RGL3: variants seen among roughly 807,000 people sequenced by gnomAD.
RGL3 encodes the protein ral guanine nucleotide dissociation stimulator-like 3.
In RGL3, 85 loss-of-function variants were observed where a neutral mutation model predicts 90.6. The ratio of observed to expected loss-of-function variants is 0.94; its 90% CI spans 0.79 to 1.12. The LOEUF (loss-of-function observed/expected upper bound fraction) is 1.12. Among genes scored for constraint, RGL3 ranks in the 50% most tolerant of loss-of-function variants. The pLI is 0.00. For synonymous variants in RGL3, 408 were observed against 385.5 expected, an observed-to-expected ratio of 1.06 and a Z score of -0.68; for missense variants, 1,034 against 939.2, an observed-to-expected ratio of 1.10 and a Z score of -1.32.
intron 18 of RGL3, among the ~76,000 whole-genome samples, chr19:11,395,978 A>G (rs1968558514): frequency 7.0e-6 from 1 of 143,538 alleles, no homozygotes; most frequent in Admixed American, 7.1e-5. Flanking sequence ...CCCAGGCTGG[A>G]GTGCAGTGGC....
rs1968935405 is a variant in RGL3, at chr19:11,414,279, TTATATATATATACCTTCATATATATACA to T, written c.637+1630_637+1657del. Among the ~76,000 whole-genome samples, 8 of 83,670 alleles carry T rather than the reference TTATATATATATACCTTCATATATATACA, an allele frequency of 9.6e-5. 2 individuals carry two copies. In the South Asian group the frequency reaches 1.3e-3, roughly 13 times the overall value. The allele number at this position is 83,670 out of a possible 152,430, so 54.9% of individuals were successfully genotyped here. ...TATATACCTTTATATATATATACCT[TTATATATATATACCTTCATATATATACA>T]TATATATATATACCTTCATATATAT... On this transcript the variant is annotated intron_variant, in intron 5 of 18. Transcript: ENST00000380456.
chr19:11,400,875 A>G (rs1192542564), intron 13 of RGL3, among the ~76,000 whole-genome samples: 2 of 150,358 alleles, frequency 1.3e-5, no homozygotes, highest in Non-Finnish European at 3.0e-5. Flanking sequence ...AAATAAATAA[A>G]TAAATAAATA....
intron 3 of RGL3, 68 bp from the exon 4 acceptor site, chr19:11,416,735 G>T: frequency 6.3e-7 from 1 of 1,594,078 alleles, no homozygotes; most frequent in Non-Finnish European, 8.6e-7. Context: ...AGGGCTCTGG[G>T]TCTGGGAGGT....
chr19:11,394,303 C>T lies in RGL3; in HGVS notation c.*99G>A. ...ACAGTTGGGTGGTGGTCCTGGGATA[C>T]ACAGCACAGTGGCCTCTACTGGGGG... On this transcript the variant is annotated 3_prime_UTR_variant, in exon 19 of 19. Transcript: ENST00000380456. The T allele has an allele frequency of 1.1e-6, 1 of 885,890 alleles. No individual in the cohort carries two copies. The highest frequency in any genetic ancestry group is 1.9e-6 in the Non-Finnish European group (1 of 522,992). The allele number at this position is 885,890 out of a possible 1,614,324, so 54.9% of individuals were successfully genotyped here. A position where few individuals can be genotyped will look rare whatever the true frequency, so the allele number is the denominator to read the frequency against.
intron 9 of RGL3, among the ~76,000 whole-genome samples, chr19:11,403,187 C>T (rs1049650604): frequency 6.6e-6 from 1 of 151,384 alleles, no homozygotes; most frequent in Non-Finnish European, 1.5e-5. Context: ...AGGCGCCCCC[C>T]ACCTCGCCCA....
intron 5 of RGL3, among the ~76,000 whole-genome samples, chr19:11,411,906 C>T (rs1568340620): frequency 6.6e-6 from 1 of 152,190 alleles, no homozygotes; most frequent in Non-Finnish European, 1.5e-5. Flanking sequence ...GGAGCCTCTG[C>T]ATCTGGCCTG....
intron 9 of RGL3, among the ~76,000 whole-genome samples, chr19:11,403,640 C>T (rs1385957680): frequency 2.0e-5 from 1 of 49,414 alleles, no homozygotes; most frequent in Non-Finnish European, 4.2e-5. Context: ...AACTCCATCT[C>T]AAAAAAAAAA....
intron 9 of RGL3, among the ~76,000 whole-genome samples, chr19:11,403,865 CTGT>C (rs1411066825): frequency 6.6e-6 from 1 of 151,990 alleles, no homozygotes; most frequent in Admixed American, 6.6e-5. Context: ...CCTGAATTTG[CTGT>C]TGTTTACTTA....
chr19:11,405,397 G>T lies in RGL3; in HGVS notation c.1026C>A (p.Ser342=). 6.2e-7 allele frequency: 1 copy of T among 1,601,084 alleles called. No homozygotes were observed. The highest frequency in any genetic ancestry group is 1.1e-5 in the South Asian group (1 of 89,842). The part of the protein sequence containing the change: ...QRCRELRNFS[S]LRAILSALQS... The stretch of plus-strand genomic sequence containing the variant: ...GCAGGGCGGACAGGATGGCGCGCAA[G>T]GAGGAGAAGTTCCGCAGTTCTCGGC... The change falls in exon 8 of 19, where the codon TCC becomes TCA. Residue 342 remains serine (S), a synonymous_variant. Transcript: ENST00000380456.
At chr19:11,400,437 G>C (rs1030738061) in intron 13 of RGL3, 140 bp from the exon 14 acceptor site, 2 of 616,198 alleles carry the variant, frequency 3.2e-6, no homozygotes, top group African/African-American at 3.8e-5. Flanking sequence ...CCAGGGTCAG[G>C]GTGGTAAATG....
rs1216423756 is a variant in RGL3 at position 11,402,659 on chromosome 19, G to A, written c.1233C>T (p.Ser411=). ...GSQEEDNTPG[S]LPSKPPPGPV... Reference sequence around the variant, plus strand: ...AACTGTAATCACTCACTGAGGGCAGGCTGCCTGGGGTGTTGTCCTCTTCTT... The same window carrying A: ...AACTGTAATCACTCACTGAGGGCAGACTGCCTGGGGTGTTGTCCTCTTCTT... The change falls in exon 10 of 19, where the codon AGC becomes AGT. Residue 411 remains serine (S), a synonymous_variant. Coordinates refer to ENST00000380456, the MANE Select transcript of RGL3 (RefSeq NM_001035223.4). 6.2e-7 allele frequency: 1 copy of A among 1,613,832 alleles called. No individual in the cohort carries two copies. Among genetic ancestry groups the A allele is most frequent in the Non-Finnish European group, 8.5e-7 (1 of 1,179,960 alleles).
chr19:11,402,382 G>C, intron 11 of RGL3, 73 bp downstream of exon 11: 16 of 1,564,152 alleles, frequency 1.0e-5, no homozygotes, highest in Non-Finnish European at 1.4e-5. Flanking sequence ...AGGATCAAGG[G>C]TGGATATTGG....
At position 11,394,484 on chromosome 19, in the gene RGL3, G is replaced by C. The variant is rs916333357; in HGVS notation, c.2051C>G (p.Ala684Gly). ...LIPDNANVFY[A>G]MSPVAPRDFM... is the part of the protein sequence containing the mutation. ...GTCTCTGGGGGCGACTGGACTCATG[G>C]CATAGAAGACGTTGGCATTGTCAGG... Residue 684 changes from alanine (A) to glycine (G), a missense_variant, in exon 19 of 19, where the codon GCC (alanine) becomes GGC (glycine). Ala to Gly is a moderately conservative substitution (Grantham distance 60). Coordinates refer to ENST00000380456, the MANE Select transcript of RGL3 (RefSeq NM_001035223.4). The C allele has an allele frequency of 6.2e-7, 1 of 1,614,052 alleles. No homozygotes were observed. Among genetic ancestry groups the C allele is most frequent in the African/African-American group, 1.3e-5 (1 of 75,006 alleles).
In RGL3 at chr19:11,394,191, T is replaced by G. The variant is rs1381103089; in HGVS notation, c.*211A>C. 3.7e-6 allele frequency: 2 copies of G among 541,494 alleles called. No individual in the cohort carries two copies. The highest frequency in any genetic ancestry group is 6.7e-6 in the Non-Finnish European group (2 of 297,458). 33.5% of individuals were successfully genotyped at this position (541,494 alleles called of 1,614,324 possible). A position where few individuals can be genotyped will look rare whatever the true frequency, so the allele number is the denominator to read the frequency against. On this transcript the variant is annotated 3_prime_UTR_variant, in exon 19 of 19. Coordinates refer to ENST00000380456, the MANE Select transcript of RGL3 (RefSeq NM_001035223.4). ...TCTTTCTACATTTATGGGATTGAGCTCTCCACCAGCCACCCATGGGCTGAT... is the reference window on the plus strand; with the variant it reads ...TCTTTCTACATTTATGGGATTGAGCGCTCCACCAGCCACCCATGGGCTGAT...
At position 11,399,843 on chromosome 19, in the gene RGL3, C is replaced by T; in HGVS notation, c.1746+12G>A. On this transcript the variant is annotated intron_variant, in intron 16 of 18. Transcript: ENST00000380456. ...CCGCAGGCCCGCATGCACACACAAGCCGTCTTGGTACCTTGGTGCTGGGGC... is the reference window on the plus strand; with the variant it reads ...CCGCAGGCCCGCATGCACACACAAGTCGTCTTGGTACCTTGGTGCTGGGGC... The T allele has an allele frequency of 6.9e-7, 1 of 1,444,222 alleles. No individual in the cohort carries two copies. Among genetic ancestry groups the T allele is most frequent in the Non-Finnish European group, 9.3e-7 (1 of 1,080,850 alleles). 89.5% of individuals were successfully genotyped at this position (1,444,222 alleles called of 1,614,324 possible).
chr19:11,398,492 T>C (rs1019535668), intron 16 of RGL3, among the ~76,000 whole-genome samples: 1 of 151,968 alleles, frequency 6.6e-6, no homozygotes, highest in Non-Finnish European at 1.5e-5. Flanking sequence ...ATTACAGGCC[T>C]GTGCCACTAT....
At chr19:11,408,446 C>T (rs1333535286) in intron 5 of RGL3, among the ~76,000 whole-genome samples, 1 of 152,042 alleles carries the variant, frequency 6.6e-6, no homozygotes, top group African/African-American at 2.4e-5. Flanking sequence ...ATTAGCCGGG[C>T]GTGATGGCAC....
chr19:11,407,174 C>T (rs1316305417), intron 5 of RGL3, among the ~76,000 whole-genome samples: 1 of 151,918 alleles, frequency 6.6e-6, no homozygotes, highest in African/African-American at 2.4e-5. Context: ...TTAATAGAGA[C>T]GGGCTTTCAC....
intron 13 of RGL3, among the ~76,000 whole-genome samples, chr19:11,400,746 C>T (rs4804165): frequency 0.053 from 8,063 of 151,252 alleles, 441 homozygotes; most frequent in African/African-American, 0.14. Context: ...TTGCGGCTAC[C>T]GGGGAGGCTG....
Sources: gnomAD v4.1 joint callset for allele counts (sites outside exome capture counted in the v4.1 genomes callset) on GRCh38, gnomAD v4.1.1 for gene constraint, MANE v1.5 for transcripts, NCBI Gene and HGNC (gene_info 2026-07-23, HGNC 2026-07-21) for gene names.